Variants in TP63 observed in about 807,000 individuals in gnomAD.
TP63 encodes the protein tumor protein 63.
TP63 carries 17 observed loss-of-function variants against 82.8 expected under a neutral mutation model. The observed-to-expected ratio is 0.21, with a 90% CI of 0.14 to 0.31. The LOEUF (loss-of-function observed/expected upper bound fraction) is 0.31, where lower values mean the gene tolerates loss of function less well. Among genes scored for constraint, TP63 ranks in the 10% least tolerant of loss-of-function variants. TP63 has a pLI of 1.00. For synonymous variants in TP63, 330 were observed against 321.7 expected (o/e 1.03, Z -0.28); for missense variants, 648 against 895.3 (o/e 0.72, Z 3.52).
chr3:189,741,208 A>G (rs1720960060), intron 3 of TP63, among the ~76,000 whole-genome samples: 1 of 133,058 alleles, frequency 7.5e-6, no homozygotes, highest in South Asian at 2.3e-4. Context: ...CTGTGGAAAA[A>G]AAAAAAAAAC....
intron 3 of TP63, among the ~76,000 whole-genome samples, chr3:189,775,722 A>G (rs957733825): frequency 6.6e-6 from 1 of 152,168 alleles, no homozygotes; most frequent in African/African-American, 2.4e-5. Flanking sequence ...AAAACTTTTC[A>G]CAGAGAGAAA....
intron 4 of TP63, among the ~76,000 whole-genome samples, chr3:189,857,696 A>C (rs936544725): frequency 6.6e-6 from 1 of 152,236 alleles, no homozygotes; most frequent in Non-Finnish European, 1.5e-5. Flanking sequence ...CAATTAAAAA[A>C]TGGCCAAAAG....
chr3:189,646,144 A>G lies in TP63; in HGVS notation c.62+14567A>G, dbSNP rs537459732. Among the ~76,000 whole-genome samples, 19 of 147,300 alleles carry G rather than the reference A, an allele frequency of 1.3e-4. 1 individual carries two copies. Among genetic ancestry groups the G allele is most frequent in the South Asian group, 4.5e-4 (2 of 4,472 alleles). ...ACCTGGGAATAGTATTAGAAATGCAAATTCTCAGGTCCACATGTGTACTAT... is the reference window on the plus strand; with the variant it reads ...ACCTGGGAATAGTATTAGAAATGCAGATTCTCAGGTCCACATGTGTACTAT... On this transcript the variant is annotated intron_variant, in intron 1 of 13. Transcript: ENST00000264731.
At chr3:189,823,067 A>G (rs527995807) in intron 4 of TP63, among the ~76,000 whole-genome samples, 1 of 152,224 alleles carries the variant, frequency 6.6e-6, no homozygotes, top group Admixed American at 6.5e-5. Context: ...TTTTGTGACC[A>G]GAAAGATACA....
chr3:189,777,396 CAT>C (rs1480877502), intron 3 of TP63, among the ~76,000 whole-genome samples: 2 of 152,052 alleles, frequency 1.3e-5, no homozygotes, highest in East Asian at 3.9e-4. Context: ...GGGATTTCAC[CAT>C]GTTGGTCAGG....
rs569916710 is a variant in TP63 at position 189,882,799 on chromosome 3, G to A, written c.1350-3595G>A. Among the ~76,000 whole-genome samples, 4 of 152,238 alleles carry A rather than the reference G, an allele frequency of 2.6e-5. No homozygotes were observed. In the South Asian group the frequency reaches 6.2e-4, roughly 24 times the overall value. ...CCTATATGTCCTAAAACCACTTCTC[G>A]CTTTTCAATTTTGAATTTTATTCTT... is the stretch of plus-strand genomic sequence containing the variant. On this transcript the variant is annotated intron_variant, in intron 10 of 13. Coordinates refer to ENST00000264731, the MANE Select transcript of TP63 (RefSeq NM_003722.5).
Position 189,896,397 on chromosome 3 carries a change from A to G in TP63, c.*1895A>G. 5.0e-6 allele frequency: 1 copy of G among 199,292 alleles called. No homozygotes were observed. The highest frequency in any genetic ancestry group is 1.0e-5 in the Non-Finnish European group (1 of 96,382). 12.3% of individuals were successfully genotyped at this position (199,292 alleles called of 1,614,324 possible). On this transcript the variant is annotated 3_prime_UTR_variant, in exon 14 of 14. Transcript: ENST00000264731. ...CCATTTAGTAAGAATACCACATCAA[A>G]TAAGAAATAATGCTACAATTTTAAG... is the stretch of plus-strand genomic sequence containing the variant.
At chr3:189,697,941 T>C (rs1717515153) in intron 1 of TP63, among the ~76,000 whole-genome samples, 3 of 152,028 alleles carry the variant, frequency 2.0e-5, no homozygotes, top group Non-Finnish European at 2.9e-5. Context: ...TGAAGACCCA[T>C]GGATTTTCTA....
In TP63 at chr3:189,640,458, G is replaced by A. The variant is rs115539960; in HGVS notation, c.62+8881G>A. On this transcript the variant is annotated intron_variant, in intron 1 of 13. Transcript: ENST00000264731. ...AACAAAATGTGAAATATTAATGCAC[G>A]ATTTATCTTCAAGTTAGTACTGCTG... 5.5e-3 allele frequency among the ~76,000 whole-genome samples: 831 copies of A among 152,214 alleles called. 5 individuals carry two copies. The highest frequency in any genetic ancestry group is 7.5e-3 in the Non-Finnish European group (513 of 67,982).
Position 189,894,643 on chromosome 3 carries a change from A to AG in TP63, c.*141_*142insG. Reference sequence around the variant, plus strand: ...TTAGGGGAAGGAGAAGTAAGAGGCTACCTCTTACCTAACATCTGACCTGGC... The same window carrying AG: ...TTAGGGGAAGGAGAAGTAAGAGGCTAGCCTCTTACCTAACATCTGACCTGGC... On this transcript the variant is annotated 3_prime_UTR_variant, in exon 14 of 14. Transcript: ENST00000264731. 15 of 970,740 alleles carry AG rather than the reference A, an allele frequency of 1.5e-5. No individual in the cohort carries two copies. Among genetic ancestry groups the AG allele is most frequent in the Non-Finnish European group, 2.3e-5 (15 of 653,284 alleles). 60.1% of individuals were successfully genotyped at this position (970,740 alleles called of 1,614,324 possible). A position where few individuals can be genotyped will look rare whatever the true frequency, so the allele number is the denominator to read the frequency against.
chr3:189,746,564 AT>A (rs1721393506), intron 3 of TP63, among the ~76,000 whole-genome samples: 1 of 152,048 alleles, frequency 6.6e-6, no homozygotes, highest in South Asian at 2.1e-4. Context: ...TATGAAAAAA[AT>A]AAAAAAGAAT....
rs1720776865 is a variant in TP63 at position 189,889,327 on chromosome 3, T to G, written c.1508-13T>G. 6.2e-7 allele frequency: 1 copy of G among 1,614,200 alleles called. No individual in the cohort carries two copies. Among genetic ancestry groups the G allele is most frequent in the South Asian group, 1.1e-5 (1 of 91,088 alleles). On this transcript the variant is annotated splice_polypyrimidine_tract_variant and intron_variant, in intron 11 of 13. Coordinates refer to ENST00000264731, the MANE Select transcript of TP63 (RefSeq NM_003722.5). ...TGGCAGTAACCCTTTTTGTTCCTCC[T>G]GCTTCTGTTCAGTTCCCATGATGGG... is the stretch of plus-strand genomic sequence containing the variant.
At chr3:189,872,814 T>A in intron 9 of TP63, 45 bp from the exon 10 acceptor site, 1 of 1,613,758 alleles carries the variant, frequency 6.2e-7, no homozygotes, top group Non-Finnish European at 8.5e-7. Flanking sequence ...CTAACAGTTC[T>A]ACAGCTTTTC....
chr3:189,718,692 A>G (rs997352056), intron 1 of TP63, among the ~76,000 whole-genome samples: 1 of 152,024 alleles, frequency 6.6e-6, no homozygotes, highest in South Asian at 2.1e-4. Flanking sequence ...CAATGTTTCA[A>G]TTGTTAAAGA....
At chr3:189,701,564 T>TTA (rs1293546555) in intron 1 of TP63, among the ~76,000 whole-genome samples, 2 of 147,994 alleles carry the variant, frequency 1.4e-5, no homozygotes, top group Admixed American at 6.8e-5. Flanking sequence ...TATATATATG[T>TTA]TATATATATG....
intron 4 of TP63, among the ~76,000 whole-genome samples, chr3:189,814,794 A>G (rs891661765): frequency 4.6e-5 from 7 of 151,980 alleles, no homozygotes; most frequent in African/African-American, 1.5e-4. Flanking sequence ...TTTTAGATTG[A>G]CTCTAGGTTA....
At chr3:189,780,674 G>A (rs774235482) in intron 3 of TP63, among the ~76,000 whole-genome samples, 2 of 152,194 alleles carry the variant, frequency 1.3e-5, no homozygotes, top group Non-Finnish European at 2.9e-5. Flanking sequence ...TTCAGAGACA[G>A]GTGCTTTTTC....
chr3:189,642,128 C>T (rs777938377), intron 1 of TP63, among the ~76,000 whole-genome samples: 21 of 152,090 alleles, frequency 1.4e-4, no homozygotes, highest in Non-Finnish European at 3.1e-4. Flanking sequence ...TTTTGCTAAA[C>T]AGTTGCAGCT....
At chr3:189,655,268 G>T (rs1367013129) in intron 1 of TP63, among the ~76,000 whole-genome samples, 1 of 152,116 alleles carries the variant, frequency 6.6e-6, no homozygotes, top group Non-Finnish European at 1.5e-5. Flanking sequence ...AGAAAAAGCT[G>T]GACAAATCAA....
Sources: allele counts gnomAD v4.1 joint callset (sites outside exome capture counted in the v4.1 genomes callset), GRCh38; gene constraint gnomAD v4.1.1; transcripts MANE v1.5; gene names NCBI Gene and HGNC (gene_info 2026-07-23, HGNC 2026-07-21).